The following GNS variants were observed in gnomAD, a reference collection of about 807,000 sequenced individuals.
The protein encoded by GNS is glucosamine (N-acetyl)-6-sulfatase.
GNS carries 40 observed loss-of-function variants against 69.7 expected under a neutral mutation model. The ratio of observed to expected loss-of-function variants is 0.57; its 90% CI spans 0.45 to 0.75. GNS has a LOEUF of 0.75. Ranked by LOEUF, GNS falls within the 30% of genes least tolerant of loss-of-function variation. The pLI is 0.00. For synonymous variants in GNS, 243 were observed against 251.6 expected, an observed-to-expected ratio of 0.97 and a Z score of 0.32; for missense variants, 565 against 685.5, an observed-to-expected ratio of 0.82 and a Z score of 1.96.
chr12:64,735,814 G>A (rs1869541849), intron 9 of GNS, among the ~76,000 whole-genome samples: 1 of 152,210 alleles, frequency 6.6e-6, no homozygotes, highest in South Asian at 2.1e-4. Flanking sequence ...GAAATTTGTA[G>A]GGAAAAGTGA....
intron 10 of GNS, among the ~76,000 whole-genome samples, chr12:64,727,823 T>C (rs576990343): frequency 1.3e-5 from 2 of 152,308 alleles, no homozygotes; most frequent in East Asian, 3.9e-4. Context: ...GTGACTAATG[T>C]GCCTGGGAGT....
At position 64,716,145 on chromosome 12, in the gene GNS, T is replaced by C. The variant is rs1868851758; in HGVS notation, c.*596A>G. 6.2e-6 allele frequency: 1 copy of C among 161,916 alleles called. No homozygotes were observed. The highest frequency in any genetic ancestry group is 1.4e-5 in the Non-Finnish European group (1 of 72,566). The allele number at this position is 161,916 out of a possible 1,614,324, so 10.0% of individuals were successfully genotyped here. On this transcript the variant is annotated 3_prime_UTR_variant, in exon 14 of 14. Transcript: ENST00000258145. ...ACATGAACAGAGCTTGGGTGACATG[T>C]TTTGAATTTGCAACCTTACCACACT...
chr12:64,748,949 TA>T (rs1428758413), intron 2 of GNS, among the ~76,000 whole-genome samples: 2 of 152,220 alleles, frequency 1.3e-5, no homozygotes, highest in East Asian at 1.9e-4. Context: ...TATTTTTATT[TA>T]TTTTTTTGAG....
In GNS at chr12:64,743,152, T is replaced by C; in HGVS notation, c.781A>G (p.Ile261Val). 1 of 1,611,924 alleles carries C rather than the reference T, an allele frequency of 6.2e-7. No homozygotes were observed. Among genetic ancestry groups the C allele is most frequent in the Non-Finnish European group, 8.5e-7 (1 of 1,178,066 alleles). ...VFAPRNKNFN[I>V]HGTNKHWLIR... ...GTGGGGGAAGCTACCGTTCCATGGA[T>C]GTTGAAGTTCTTGTTTCTTGGTGCA... Residue 261 changes from isoleucine (I) to valine (V), a missense_variant, in exon 6 of 14, where the codon ATC becomes GTC. By Grantham distance (29) the Ile-to-Val change is conservative (BLOSUM62 3). Transcript: ENST00000258145.
intron 1 of GNS, among the ~76,000 whole-genome samples, chr12:64,753,871 G>T (rs1870159106): frequency 6.6e-6 from 1 of 152,150 alleles, no homozygotes; most frequent in African/African-American, 2.4e-5. Flanking sequence ...CCGAAGCAAG[G>T]TCGTCAGCCA....
chr12:64,737,024 T>TGA lies in GNS; in HGVS notation c.1076_1077dup (p.Lys360SerfsTer28). On this transcript the variant is annotated frameshift_variant, in exon 9 of 14. Coordinates refer to ENST00000258145, the MANE Select transcript of GNS (RefSeq NM_002076.4). LOFTEE classifies it high-confidence loss of function. Reference sequence around the variant, plus strand: ...CCTACCTTGCTTGTCTGATTTGGTTTGATCCCAGGTCCTCGAACCAACAGT... The same window carrying TGA: ...CCTACCTTGCTTGTCTGATTTGGTTTGAGATCCCAGGTCCTCGAACCAACAGT... 1 of 1,580,736 alleles carries TGA rather than the reference T, an allele frequency of 6.3e-7. No homozygotes were observed.
chr12:64,743,209 G>A lies in GNS; in HGVS notation c.724C>T (p.Pro242Ser), dbSNP rs2136247579. ...TTCTGGAAAGCCTTCTGGTACTGAG[G>A]TGCAGCTGTCCAAGGCGAATGAGGC... ...PAPHSPWTAA[P>S]QYQKAFQNVF... is the part of the protein sequence containing the mutation. Residue 242 changes from proline (P) to serine (S), a missense_variant, in exon 6 of 14, where the codon CCT (proline) becomes TCT (serine). Around this residue, in one of 2 missense-constraint regions of GNS, gnomAD observed 384 missense variants for 511.0 expected, o/e 0.75. Coordinates refer to ENST00000258145, the MANE Select transcript of GNS (RefSeq NM_002076.4). 1 of 1,613,062 alleles carries A rather than the reference G, an allele frequency of 6.2e-7. No homozygotes were observed. Among genetic ancestry groups the A allele is most frequent in the South Asian group, 1.1e-5 (1 of 91,060 alleles).
Position 64,739,435 on chromosome 12 carries a change from C to G in GNS, c.940G>C (p.Gly314Arg). The change falls in exon 8 of 14, where the codon GGG becomes CGG. Residue 314 changes from glycine to arginine, a missense_variant. Coordinates refer to ENST00000258145, the MANE Select transcript of GNS (RefSeq NM_002076.4). ...AAGATGTAAGTGTTGTTGAGCTCCC[C>G]AGTGAACTCCAGCCTCTTGACCAGT... ...EKLVKRLEFT[G>R]ELNNTYIFYT... The G allele has an allele frequency of 2.5e-6, 4 of 1,609,588 alleles. No individual in the cohort carries two copies. Among genetic ancestry groups the G allele is most frequent in the Non-Finnish European group, 2.6e-6 (3 of 1,175,992 alleles).
At chr12:64,748,436 T>G (rs1010136504) in intron 2 of GNS, among the ~76,000 whole-genome samples, 1 of 151,936 alleles carries the variant, frequency 6.6e-6, no homozygotes, top group African/African-American at 2.4e-5. Flanking sequence ...CTCAAATTCC[T>G]GGATTCAAGT....
rs1452545440 is a variant in GNS at position 64,714,635 on chromosome 12, G to A, written c.*2106C>T. 6.6e-6 allele frequency: 1 copy of A among 152,208 alleles called. No individual in the cohort carries two copies. The highest frequency in any genetic ancestry group is 1.5e-5 in the Non-Finnish European group (1 of 68,044). 9.4% of individuals were successfully genotyped at this position (152,208 alleles called of 1,614,324 possible). A position where few individuals can be genotyped will look rare whatever the true frequency, so the allele number is the denominator to read the frequency against. ...TGAACTGAGTAAGAGTGGCGTGGCT[G>A]AGGTGCCGTCAGCAGCTGACTATGT... On this transcript the variant is annotated 3_prime_UTR_variant, in exon 14 of 14. Coordinates refer to ENST00000258145, the MANE Select transcript of GNS (RefSeq NM_002076.4).
chr12:64,752,728 G>C lies in GNS; in HGVS notation c.222C>G (p.Ile74Met), dbSNP rs1375026446. 1 of 1,536,038 alleles carries C rather than the reference G, an allele frequency of 6.5e-7. No individual in the cohort carries two copies. Among genetic ancestry groups the C allele is most frequent in the Non-Finnish European group, 9.0e-7 (1 of 1,110,392 alleles). The stretch of plus-strand genomic sequence containing the variant: ...TGGAAAAAGTCATCCCCATCTCTCC[G>C]ATGAGAGCTTTGGTTTTCTTTAGCG... ...MTPLKKTKAL[I>M]GEMGMTFSSA... The change falls in exon 2 of 14, where the codon ATC (isoleucine) becomes ATG (methionine). Residue 74 changes from isoleucine (I) to methionine (M), a missense_variant. Ile to Met is a conservative substitution (Grantham distance 10). Transcript: ENST00000258145.
At chr12:64,719,947 G>A (rs1175268757) in intron 13 of GNS, 75 bp downstream of exon 13, 2 of 937,908 alleles carry the variant, frequency 2.1e-6, no homozygotes, top group East Asian at 2.4e-5. Context: ...AGCAAAAAGG[G>A]CTCCCTTTGC....
intron 13 of GNS, among the ~76,000 whole-genome samples, chr12:64,717,518 A>ATTTTT (rs57088346): frequency 2.2e-4 from 29 of 131,420 alleles, no homozygotes; most frequent in African/African-American, 4.7e-4. Context: ...CACCTGGCTA[A>ATTTTT]TTTTTTTTTT....
rs764068157 is a variant in GNS at position 64,730,658 on chromosome 12, T to A, written c.1099-1601A>T. On this transcript the variant is annotated intron_variant, in intron 9 of 13. Coordinates refer to ENST00000258145, the MANE Select transcript of GNS (RefSeq NM_002076.4). Reference sequence around the variant, plus strand: ...AAAACCTCACACACAAAAAACGATGTCTCCAGGGATGATACAAGACCCACT... The same window carrying A: ...AAAACCTCACACACAAAAAACGATGACTCCAGGGATGATACAAGACCCACT... Among the ~76,000 whole-genome samples, 34 of 152,096 alleles carry A rather than the reference T, an allele frequency of 2.2e-4. 1 individual carries two copies. Among genetic ancestry groups the A allele is most frequent in the Non-Finnish European group, 1.6e-4 (11 of 68,012 alleles).
At chr12:64,758,291 G>C (rs1870329559) in intron 1 of GNS, among the ~76,000 whole-genome samples, 1 of 136,044 alleles carries the variant, frequency 7.4e-6, no homozygotes, top group Non-Finnish European at 1.6e-5. Flanking sequence ...CGGCCTACCA[G>C]ATTAGTTCAC....
chr12:64,718,517 G>C (rs1050612443), intron 13 of GNS, among the ~76,000 whole-genome samples: 1 of 152,212 alleles, frequency 6.6e-6, no homozygotes, highest in Non-Finnish European at 1.5e-5. Flanking sequence ...TGGGCTCTAA[G>C]GGCTGTGTGG....
At chr12:64,725,624 C>T (rs768566381) in intron 10 of GNS, among the ~76,000 whole-genome samples, 39 of 152,138 alleles carry the variant, frequency 2.6e-4, no homozygotes, top group Admixed American at 1.1e-3. Context: ...TTAGGTGGCA[C>T]TTAGAGAACT....
chr12:64,730,694 A>C (rs1869363544), intron 9 of GNS, among the ~76,000 whole-genome samples: 1 of 152,136 alleles, frequency 6.6e-6, no homozygotes, highest in Non-Finnish European at 1.5e-5. Context: ...GTTACAGATA[A>C]TTTTCCTGGT....
intron 10 of GNS, among the ~76,000 whole-genome samples, chr12:64,726,668 G>C (rs961299288): frequency 2.0e-5 from 3 of 152,056 alleles, no homozygotes. Context: ...CTAATTTTCT[G>C]TATTTTTTGT....
Sources: allele counts gnomAD v4.1 joint callset (sites outside exome capture counted in the v4.1 genomes callset), GRCh38; gene constraint gnomAD v4.1.1; regional missense constraint gnomAD v4.1.1; transcripts MANE v1.5; gene names NCBI Gene and HGNC (gene_info 2026-07-23, HGNC 2026-07-21).